CAMKMT: variants seen among roughly 807,000 people sequenced by gnomAD.
CAMKMT encodes the protein calmodulin-lysine N-methyltransferase.
Under a neutral mutation model 48.0 loss-of-function variants are expected in CAMKMT, and 53 were observed. That is an observed-to-expected ratio of 1.10 (90% CI 0.89 to 1.39). The LOEUF (loss-of-function observed/expected upper bound fraction) is 1.39, where lower values mean the gene tolerates loss of function less well. Ranked by LOEUF, CAMKMT falls within the 40% of genes most tolerant of loss-of-function variation. The pLI is 0.00. For synonymous variants in CAMKMT, 165 were observed against 152.3 expected (o/e 1.08, Z -0.61); for missense variants, 428 against 402.7 (o/e 1.06, Z -0.54).
At chr2:44,620,776 G>A (rs976550314) in intron 3 of CAMKMT, among the ~76,000 whole-genome samples, 17 of 152,144 alleles carry the variant, frequency 1.1e-4, no homozygotes, top group African/African-American at 4.1e-4. Flanking sequence ...AAAAGTTAAT[G>A]TTTAATACCA....
chr2:44,568,850 G>A (rs1021285016), intron 3 of CAMKMT, among the ~76,000 whole-genome samples: 1 of 152,176 alleles, frequency 6.6e-6, no homozygotes, highest in Admixed American at 6.6e-5. Context: ...AGGCTAGTGC[G>A]GAAGCCCAGA....
chr2:44,564,271 G>T (rs896857206), intron 3 of CAMKMT, among the ~76,000 whole-genome samples: 2 of 151,486 alleles, frequency 1.3e-5, no homozygotes, highest in Non-Finnish European at 2.9e-5. Context: ...CGCCTTCCGG[G>T]TTCAAGCGAT....
chr2:44,531,139 G>C (rs998724264), intron 3 of CAMKMT, among the ~76,000 whole-genome samples: 1 of 151,994 alleles, frequency 6.6e-6, no homozygotes, highest in Non-Finnish European at 1.5e-5. Context: ...CTGTTATGTA[G>C]TTAATAAACC....
chr2:44,599,624 C>G (rs1201710094), intron 3 of CAMKMT, among the ~76,000 whole-genome samples: 1 of 151,796 alleles, frequency 6.6e-6, no homozygotes, highest in Non-Finnish European at 1.5e-5. Context: ...ATAAAAGAAA[C>G]CACAGCTTTT....
At chr2:44,557,635 TA>T (rs1487895729) in intron 3 of CAMKMT, among the ~76,000 whole-genome samples, 2 of 152,216 alleles carry the variant, frequency 1.3e-5, no homozygotes, top group Non-Finnish European at 2.9e-5. Flanking sequence ...ACAACAGTAA[TA>T]ATCTCTTTAG....
intron 3 of CAMKMT, among the ~76,000 whole-genome samples, chr2:44,669,568 T>G (rs1054080673): frequency 9.9e-5 from 15 of 152,240 alleles, no homozygotes; most frequent in African/African-American, 3.6e-4. Flanking sequence ...TTGTCAAAAC[T>G]TGGTGCTATC....
intron 3 of CAMKMT, among the ~76,000 whole-genome samples, chr2:44,577,070 A>G (rs966242510): frequency 6.6e-6 from 1 of 152,226 alleles, no homozygotes; most frequent in Non-Finnish European, 1.5e-5. Flanking sequence ...ATTCTGGTTA[A>G]ATAATTCCCC....
intron 3 of CAMKMT, among the ~76,000 whole-genome samples, chr2:44,510,638 A>G (rs1380409410): frequency 6.6e-6 from 1 of 152,172 alleles, no homozygotes; most frequent in Non-Finnish European, 1.5e-5. Context: ...CACTGATTCC[A>G]TCGCCTACAT....
chr2:44,710,831 C>T (rs974858079), intron 6 of CAMKMT, among the ~76,000 whole-genome samples: 1 of 152,154 alleles, frequency 6.6e-6, no homozygotes, highest in Non-Finnish European at 1.5e-5. Context: ...TCTCTGGCTA[C>T]AATCACTAAT....
chr2:44,751,051 A>G (rs1680132177), intron 8 of CAMKMT, among the ~76,000 whole-genome samples: 1 of 152,146 alleles, frequency 6.6e-6, no homozygotes, highest in Non-Finnish European at 1.5e-5. Flanking sequence ...GCCTTCAAGA[A>G]GCATAGCAGC....
At chr2:44,645,951 G>T (rs184293618) in intron 3 of CAMKMT, among the ~76,000 whole-genome samples, 1 of 152,318 alleles carries the variant, frequency 6.6e-6, no homozygotes, top group East Asian at 1.9e-4. Context: ...GCTCAGTGTT[G>T]AACTATTCTG....
chr2:44,485,315 G>C (rs557526709), intron 3 of CAMKMT, among the ~76,000 whole-genome samples: 1 of 152,208 alleles, frequency 6.6e-6, no homozygotes, highest in Non-Finnish European at 1.5e-5. Flanking sequence ...CATTAGAAAA[G>C]ACAAATAAAT....
chr2:44,543,241 G>C (rs1022581128), intron 3 of CAMKMT, among the ~76,000 whole-genome samples: 2 of 152,052 alleles, frequency 1.3e-5, no homozygotes, highest in African/African-American at 4.8e-5. Context: ...CCTTCTTTTA[G>C]TGTAAATAGT....
chr2:44,496,011 T>C (rs1415923293), intron 3 of CAMKMT, among the ~76,000 whole-genome samples: 1 of 152,174 alleles, frequency 6.6e-6, no homozygotes, highest in Admixed American at 6.5e-5. Context: ...ACAGAGTATT[T>C]AGTTTTTTTC....
intron 3 of CAMKMT, among the ~76,000 whole-genome samples, chr2:44,615,086 G>A (rs1345461702): frequency 2.0e-5 from 3 of 149,984 alleles, no homozygotes; most frequent in South Asian, 2.1e-4. Flanking sequence ...CCCCACACCC[G>A]GCTAATTTTT....
chr2:44,482,272 G>A (rs1669011192), intron 3 of CAMKMT, among the ~76,000 whole-genome samples: 1 of 152,086 alleles, frequency 6.6e-6, no homozygotes, highest in Non-Finnish European at 1.5e-5. Context: ...GTTTAACCTA[G>A]TGTCCATGTG....
At chr2:44,456,624 T>C (rs185287880) in intron 3 of CAMKMT, 19 of 1,547,900 alleles carry the variant, frequency 1.2e-5, no homozygotes, top group Non-Finnish European at 6.1e-6. Flanking sequence ...CTTCCTTTTT[T>C]GTTTAAATGG....
chr2:44,766,908 G>A (rs970835029), intron 10 of CAMKMT, among the ~76,000 whole-genome samples: 6 of 152,184 alleles, frequency 3.9e-5, no homozygotes, highest in South Asian at 4.1e-4. Context: ...TAGGTTAAAT[G>A]CTTAGCCGCA....
At chr2:44,522,011 C>CTT (rs1353455110) in intron 3 of CAMKMT, among the ~76,000 whole-genome samples, 22 of 143,622 alleles carry the variant, frequency 1.5e-4, no homozygotes, top group African/African-American at 5.4e-4. Flanking sequence ...TTCTTTCTTT[C>CTT]TTTTTTTTTT....
Sources: allele counts gnomAD v4.1 joint callset (sites outside exome capture counted in the v4.1 genomes callset), GRCh38; gene constraint gnomAD v4.1.1; transcripts MANE v1.5; gene names NCBI Gene and HGNC (gene_info 2026-07-23, HGNC 2026-07-21).